The following SLC66A1 variants were observed in gnomAD, a reference collection of about 807,000 sequenced individuals.
SLC66A1 encodes lysosomal amino acid transporter 1 homolog.
In SLC66A1, 23 loss-of-function variants were observed where a neutral mutation model predicts 33.0. That is an observed-to-expected ratio of 0.70 (90% CI 0.50 to 0.99). The LOEUF is 0.99. Among genes scored for constraint, SLC66A1 ranks in the 50% least tolerant of loss-of-function variants. The pLI is 0.00. For missense variants in SLC66A1, 335 were observed against 383.6 expected (o/e 0.87, Z 1.06); for synonymous variants, 164 against 175.5 (o/e 0.93, Z 0.52).
chr1:19,325,646 G>GTT, intron 4 of SLC66A1, 64 bp downstream of exon 4: 2 of 1,272,034 alleles, frequency 1.6e-6, no homozygotes, highest in Non-Finnish European at 1.1e-6. Flanking sequence ...TGTGGGGGGG[G>GTT]GCGCCTGGAG....
Position 19,328,439 on chromosome 1 carries a change from G to C in SLC66A1, c.805-133G>C. Reference sequence around the variant, plus strand: ...GCTAAGGTAGCGGCTGGGAGGTTATGGCTGGCCCTTCCCACCTGCAGCGTG... The same window carrying C: ...GCTAAGGTAGCGGCTGGGAGGTTATCGCTGGCCCTTCCCACCTGCAGCGTG... On this transcript the variant is annotated intron_variant, in intron 7 of 7. Coordinates refer to ENST00000375153, the MANE Select transcript of SLC66A1 (RefSeq NM_001040125.2). The surrounding 1 kb of genome is among the most constrained non-coding windows in gnomAD (Gnocchi z 4.7). 1.2e-6 allele frequency: 1 copy of C among 802,874 alleles called. No homozygotes were observed. Among genetic ancestry groups the C allele is most frequent in the Non-Finnish European group, 2.1e-6 (1 of 481,408 alleles). The allele number at this position is 802,874 out of a possible 1,614,324, so 49.7% of individuals were successfully genotyped here.
chr1:19,327,550 T>TCCCTCCCTCCCC (rs2093875541), intron 7 of SLC66A1, 138 bp downstream of exon 7: 2 of 827,714 alleles, frequency 2.4e-6, no homozygotes, highest in East Asian at 3.3e-5. Context: ...CCTCCCTCCC[T>TCCCTCCCTCCCC]CCCTCCATCT....
chr1:19,318,431 C>G (rs2093817180), intron 2 of SLC66A1, among the ~76,000 whole-genome samples: 1 of 152,132 alleles, frequency 6.6e-6, no homozygotes, highest in South Asian at 2.1e-4. Context: ...TGCTCTGAGC[C>G]TCAGTTTCCT....
chr1:19,326,720 T>TA, intron 6 of SLC66A1, 97 bp downstream of exon 6: 1 of 1,303,960 alleles, frequency 7.7e-7, no homozygotes, highest in Non-Finnish European at 1.1e-6. Context: ...CATAGGAGCC[T>TA]TGGTTCAGAA....
downstream of SLC66A1, among the ~76,000 whole-genome samples, chr1:19,333,999 C>A (rs214298): frequency 6.6e-6 from 1 of 151,970 alleles, no homozygotes; most frequent in Admixed American, 6.6e-5. This position sits in a 1 kb window ranked among gnomAD's most constrained non-coding sequence, Gnocchi z 4.2. Context: ...TACCTTCCAC[C>A]GTGGATTAAC....
chr1:19,325,861 G>A (rs1003413343), intron 4 of SLC66A1, among the ~76,000 whole-genome samples: 15 of 152,180 alleles, frequency 9.9e-5, no homozygotes, highest in African/African-American at 3.4e-4. Context: ...CTCTGTGTCC[G>A]GCCCTGGGCT....
At position 19,317,851 on chromosome 1, in the gene SLC66A1, G is replaced by A. The variant is rs758601920; in HGVS notation, c.164+10G>A. 11 of 1,611,890 alleles carry A rather than the reference G, an allele frequency of 6.8e-6. No homozygotes were observed. Among genetic ancestry groups the A allele is most frequent in the Non-Finnish European group, 9.3e-6 (11 of 1,178,576 alleles). On this transcript the variant is annotated intron_variant, in intron 2 of 7. Coordinates refer to ENST00000375153, the MANE Select transcript of SLC66A1 (RefSeq NM_001040125.2). ...CTGCATCTACCTTCCCGTGAGTAGT[G>A]TCTTGGTGGCAGGACCAGGGCAGGG...
rs1470694632 is a variant in SLC66A1 at position 19,328,506 on chromosome 1, G to A, written c.805-66G>A. ...GAGAGGGAGGCAGCTCCCAGGAGTCGAAGGCCCCCAGGGGCAGGTCCAACC... is the reference window on the plus strand; with the variant it reads ...GAGAGGGAGGCAGCTCCCAGGAGTCAAAGGCCCCCAGGGGCAGGTCCAACC... On this transcript the variant is annotated intron_variant, in intron 7 of 7. Coordinates refer to ENST00000375153, the MANE Select transcript of SLC66A1 (RefSeq NM_001040125.2). The surrounding 1 kb of genome is among the most constrained non-coding windows in gnomAD (Gnocchi z 4.7). 1.6e-5 allele frequency: 23 copies of A among 1,479,038 alleles called. No homozygotes were observed. Among genetic ancestry groups the A allele is most frequent in the Non-Finnish European group, 1.9e-5 (20 of 1,077,506 alleles). 91.6% of individuals were successfully genotyped at this position (1,479,038 alleles called of 1,614,324 possible).
chr1:19,319,890 A>G (rs1200203876), intron 2 of SLC66A1, among the ~76,000 whole-genome samples: 1 of 148,388 alleles, frequency 6.7e-6, no homozygotes, highest in East Asian at 2.1e-4. Flanking sequence ...GGGACAAGAG[A>G]GAGTCTCCGT....
Position 19,324,875 on chromosome 1 carries a change from G to A in SLC66A1, c.294+113G>A, listed in dbSNP as rs183286852. 260 of 1,394,870 alleles carry A rather than the reference G, an allele frequency of 1.9e-4. 1 individual carries two copies. In the African/African-American group the frequency reaches 2.2e-3, roughly 12 times the overall value. 86.4% of individuals were successfully genotyped at this position (1,394,870 alleles called of 1,614,324 possible). On this transcript the variant is annotated intron_variant, in intron 3 of 7. Coordinates refer to ENST00000375153, the MANE Select transcript of SLC66A1 (RefSeq NM_001040125.2). ...CGCCTGGTCTCCAGAACCCTGACCC[G>A]TCATTCCATCTTGTGGGAGGGCCCC...
At chr1:19,330,885 A>T (rs2093890439), downstream of SLC66A1, among the ~76,000 whole-genome samples, 1 of 152,180 alleles carries the variant, frequency 6.6e-6, no homozygotes, top group Non-Finnish European at 1.5e-5. Context: ...CCCCTAGGGG[A>T]CACCCACGGA....
rs1015503849 is a variant in SLC66A1 at position 19,312,423 on chromosome 1, G to C, written c.-545G>C. 13 of 200,856 alleles carry C rather than the reference G, an allele frequency of 6.5e-5. No homozygotes were observed. The highest frequency in any genetic ancestry group is 2.8e-4 in the African/African-American group (12 of 43,088). 12.4% of individuals were successfully genotyped at this position (200,856 alleles called of 1,614,324 possible). ...GGGGTCGGGGCTCCTGGGCTTCCCT[G>C]CCACATCCTTCCAGCCCTCTCCTCC... On this transcript the variant is annotated 5_prime_UTR_variant, in exon 1 of 8. Transcript: ENST00000375153.
At chr1:19,314,168 C>T (rs2093793094) in intron 1 of SLC66A1, among the ~76,000 whole-genome samples, 1 of 152,202 alleles carries the variant, frequency 6.6e-6, no homozygotes, top group Non-Finnish European at 1.5e-5. Flanking sequence ...CAGGATGGCC[C>T]TCAGAGCCAG....
At position 19,326,459 on chromosome 1, in the gene SLC66A1, A is replaced by T. The variant is rs999809188; in HGVS notation, c.525+72A>T. On this transcript the variant is annotated intron_variant, in intron 5 of 7. Transcript: ENST00000375153. ...CCAGGGCTCTCCCCTGCACAGCCTCATGGGTGCTAAATGGGGTGGGGGATC... is the reference window on the plus strand; with the variant it reads ...CCAGGGCTCTCCCCTGCACAGCCTCTTGGGTGCTAAATGGGGTGGGGGATC... 3.6e-5 allele frequency: 58 copies of T among 1,612,284 alleles called. No homozygotes were observed. In the South Asian group the frequency reaches 6.2e-4, roughly 17 times the overall value.
chr1:19,315,251 C>T (rs146482989), intron 1 of SLC66A1, among the ~76,000 whole-genome samples: 5 of 152,304 alleles, frequency 3.3e-5, no homozygotes, highest in South Asian at 2.1e-4. Context: ...TTTCAGGGGC[C>T]GGAGATGGAG....
At chr1:19,325,274 C>T (rs187589722) in intron 3 of SLC66A1, among the ~76,000 whole-genome samples, 7 of 152,346 alleles carry the variant, frequency 4.6e-5, no homozygotes, top group Admixed American at 2.6e-4. Flanking sequence ...CTCATTGGCC[C>T]CTCCTGGGCT....
Position 19,317,638 on chromosome 1 carries a change from G to A in SLC66A1, c.-40G>A, listed in dbSNP as rs372691962. 5.4e-5 allele frequency: 86 copies of A among 1,606,696 alleles called. No individual in the cohort carries two copies. The African/African-American group carries it at 8.8e-4, about 16-fold the overall frequency. The stretch of plus-strand genomic sequence containing the variant: ...CTCAGAACACCAGCGCCCTCCCTCC[G>A]GTGCAGCCCTGCCTGGCCGGGGGCC... On this transcript the variant is annotated 5_prime_UTR_variant, in exon 2 of 8. Transcript: ENST00000375153.
chr1:19,318,677 A>G (rs1185085864), intron 2 of SLC66A1, among the ~76,000 whole-genome samples: 1 of 151,940 alleles, frequency 6.6e-6, no homozygotes. Flanking sequence ...GCCAGGCACA[A>G]TGGCTCACGC....
At chr1:19,333,172 C>T (rs1199098936), downstream of SLC66A1, among the ~76,000 whole-genome samples, 1 of 152,186 alleles carries the variant, frequency 6.6e-6, no homozygotes, top group African/African-American at 2.4e-5. The surrounding 1 kb of genome is among the most constrained non-coding windows in gnomAD (Gnocchi z 4.2). Context: ...CCCTCCCTGG[C>T]TCTCTCAGCC....
Sources: allele counts gnomAD v4.1 joint callset (sites outside exome capture counted in the v4.1 genomes callset), GRCh38; gene constraint gnomAD v4.1.1; non-coding constraint Gnocchi (gnomAD v3.1); transcripts MANE v1.5; gene names NCBI Gene and HGNC (gene_info 2026-07-23, HGNC 2026-07-21).